Variants in SYT16 observed in about 807,000 individuals in gnomAD.
SYT16 encodes synaptotagmin 16.
Under a neutral mutation model 61.4 loss-of-function variants are expected in SYT16, and 42 were observed. That is an observed-to-expected ratio of 0.68 (90% confidence interval 0.53 to 0.89). The LOEUF is 0.89. Ranked by LOEUF, SYT16 falls within the 40% of genes least tolerant of loss-of-function variation. The probability of loss-of-function intolerance (pLI) is 0.00; values close to 1 mark genes in which losing one functional copy is unlikely to be tolerated. For missense variants in SYT16, 804 were observed against 807.3 expected (o/e 1.00, Z 0.05); for synonymous variants, 314 against 302.3 (o/e 1.04, Z -0.40).
chr14:62,074,835 G>T (rs1331383057), intron 4 of SYT16, among the ~76,000 whole-genome samples: 2 of 152,144 alleles, frequency 1.3e-5, no homozygotes, highest in Non-Finnish European at 2.9e-5. Context: ...AAGTCTTGTG[G>T]TCATTAGCTC....
At chr14:61,995,762 T>C (rs4243621) in intron 2 of SYT16, 114 bp from the exon 3 acceptor site, 276,055 of 359,694 alleles carry the variant, frequency 0.77, 107,118 homozygotes, top group African/African-American at 0.93. Flanking sequence ...TTTAAGATTT[T>C]CCTGATGATC....
intron 1 of SYT16, among the ~76,000 whole-genome samples, chr14:61,946,402 A>G (rs1448421233): frequency 4.6e-5 from 7 of 152,118 alleles, no homozygotes; most frequent in African/African-American, 1.7e-4. Context: ...GATGTTGGAG[A>G]CTCCAAAAGG....
intron 7 of SYT16, among the ~76,000 whole-genome samples, chr14:62,088,646 A>G (rs1175041096): frequency 6.6e-6 from 1 of 152,226 alleles, no homozygotes; most frequent in East Asian, 1.9e-4. Context: ...GTAAAATATT[A>G]AACTCTAGCT....
At chr14:61,940,677 T>C (rs2050172991) in intron 1 of SYT16, among the ~76,000 whole-genome samples, 1 of 152,186 alleles carries the variant, frequency 6.6e-6, no homozygotes, top group African/African-American at 2.4e-5. Flanking sequence ...AGTATAATAA[T>C]TATTATTCTG....
At chr14:61,829,699 G>T (rs1444113568) in intron 1 of SYT16, among the ~76,000 whole-genome samples, 2 of 151,524 alleles carry the variant, frequency 1.3e-5, no homozygotes, top group Middle Eastern at 3.4e-3. Context: ...CTGTCGCCCA[G>T]GCTGGAGTAC....
intron 1 of SYT16, among the ~76,000 whole-genome samples, chr14:61,909,399 C>G (rs926218744): frequency 2.0e-5 from 3 of 152,144 alleles, no homozygotes; most frequent in African/African-American, 7.2e-5. Context: ...GGCCATGCTC[C>G]CTCTGAAGGT....
intron 1 of SYT16, among the ~76,000 whole-genome samples, chr14:61,830,705 G>T (rs779103478): frequency 1.3e-5 from 2 of 152,164 alleles, no homozygotes; most frequent in Non-Finnish European, 2.9e-5. Context: ...GTTAGTAAGT[G>T]CAGGGTGGTA....
chr14:61,857,947 A>G lies in SYT16; in HGVS notation c.-325+45137A>G, dbSNP rs574262959. 3.0e-4 allele frequency among the ~76,000 whole-genome samples: 45 copies of G among 152,222 alleles called. No individual in the cohort carries two copies. In the East Asian group the frequency reaches 8.1e-3, roughly 28 times the overall value. The stretch of plus-strand genomic sequence containing the variant: ...ATTCAAAATTTATTTTCCAGCAGAC[A>G]GCATCAGTGGATAAAACTACAGGGG... On this transcript the variant is annotated intron_variant, in intron 1 of 7. Coordinates refer to ENST00000683842, the MANE Select transcript of SYT16 (RefSeq NM_001367656.1).
At position 62,102,143 on chromosome 14, in the gene SYT16, G is replaced by C. The variant is rs1247967854; in HGVS notation, c.*1436G>C. 6.6e-6 allele frequency: 1 copy of C among 152,194 alleles called. No homozygotes were observed. The highest frequency in any genetic ancestry group is 1.5e-5 in the Non-Finnish European group (1 of 68,032). 9.4% of individuals were successfully genotyped at this position (152,194 alleles called of 1,614,324 possible). A position where few individuals can be genotyped will look rare whatever the true frequency, so the allele number is the denominator to read the frequency against. The stretch of plus-strand genomic sequence containing the variant: ...GGACTTTTTCCTGTCTGTGGGAAGA[G>C]TGATAGCTAGTGATGGCTGTATACA... On this transcript the variant is annotated 3_prime_UTR_variant, in exon 8 of 8. Transcript: ENST00000683842.
At chr14:62,094,027 G>A (rs1354523357) in intron 7 of SYT16, among the ~76,000 whole-genome samples, 1 of 152,102 alleles carries the variant, frequency 6.6e-6, no homozygotes, top group South Asian at 2.1e-4. Context: ...CATGGAAAGG[G>A]AAGAGACAGC....
chr14:62,041,890 C>T (rs1164269028), intron 3 of SYT16, among the ~76,000 whole-genome samples: 1 of 152,144 alleles, frequency 6.6e-6, no homozygotes, highest in African/African-American at 2.4e-5. Context: ...TTCAAGCTCA[C>T]TAGTCTTTTA....
At chr14:62,095,398 G>T (rs1365486171) in intron 7 of SYT16, among the ~76,000 whole-genome samples, 1 of 151,878 alleles carries the variant, frequency 6.6e-6, no homozygotes, top group Non-Finnish European at 1.5e-5. Flanking sequence ...AAAGATAAAT[G>T]AAAATCTATA....
At chr14:62,040,311 A>G (rs1487071884) in intron 3 of SYT16, among the ~76,000 whole-genome samples, 1 of 152,320 alleles carries the variant, frequency 6.6e-6, no homozygotes, top group African/African-American at 2.4e-5. Context: ...TTGTTACTGA[A>G]AAAGAGAGAA....
chr14:61,973,916 A>G (rs2051671132), intron 2 of SYT16, among the ~76,000 whole-genome samples: 1 of 152,190 alleles, frequency 6.6e-6, no homozygotes, highest in Admixed American at 6.5e-5. Context: ...GAAGGAGGAC[A>G]GATGTGGGAC....
intron 1 of SYT16, among the ~76,000 whole-genome samples, chr14:61,856,378 T>C (rs1049257862): frequency 2.0e-5 from 3 of 152,170 alleles, no homozygotes; most frequent in Admixed American, 1.3e-4. Flanking sequence ...TTTGGAGATA[T>C]ACACACACTT....
intron 1 of SYT16, among the ~76,000 whole-genome samples, chr14:61,926,396 AGT>A (rs1223141864): frequency 6.6e-6 from 1 of 152,158 alleles, no homozygotes; most frequent in African/African-American, 2.4e-5. Flanking sequence ...ACCCTTAGCT[AGT>A]GAGAGTTCAG....
At chr14:62,077,686 T>A (rs953763984) in intron 5 of SYT16, 1 of 152,228 alleles carries the variant, frequency 6.6e-6, no homozygotes, top group Non-Finnish European at 1.5e-5. Flanking sequence ...AGAGGTAAAG[T>A]GTGTTGAAAT....
intron 3 of SYT16, among the ~76,000 whole-genome samples, chr14:62,010,091 G>A (rs1959334): frequency 0.61 from 92,387 of 152,048 alleles, 29,806 homozygotes; most frequent in African/African-American, 0.83. Flanking sequence ...CAATAGTGTA[G>A]TGAAAGTATT....
intron 1 of SYT16, among the ~76,000 whole-genome samples, chr14:61,900,323 A>G (rs2048469232): frequency 1.3e-5 from 2 of 152,034 alleles, no homozygotes; most frequent in South Asian, 4.1e-4. Context: ...ACGCCCAGCT[A>G]ATTTTTGTAT....
Sources: allele counts gnomAD v4.1 joint callset (sites outside exome capture counted in the v4.1 genomes callset), GRCh38; gene constraint gnomAD v4.1.1; transcripts MANE v1.5; gene names NCBI Gene and HGNC (gene_info 2026-07-23, HGNC 2026-07-21).